Variants in CLSTN2 observed in about 807,000 individuals in gnomAD.
CLSTN2 encodes calsyntenin 2.
A neutral mutation model predicts 101.2 loss-of-function variants in CLSTN2; 48 were observed. The observed-to-expected ratio is 0.47, with a 90% CI of 0.38 to 0.60. CLSTN2 has a LOEUF of 0.60. Ranked by LOEUF, CLSTN2 falls within the 20% of genes least tolerant of loss-of-function variation. CLSTN2 has a pLI of 0.00. For missense variants in CLSTN2, 1,160 were observed against 1,238.2 expected (o/e 0.94, Z 0.95); for synonymous variants, 481 against 463.6 (o/e 1.04, Z -0.48).
At chr3:140,394,242 A>G (rs77055672) in intron 2 of CLSTN2, among the ~76,000 whole-genome samples, 20,474 of 152,236 alleles carry the variant, frequency 0.13, 1,484 homozygotes, top group East Asian at 0.21. Context: ...TTTTATTCCC[A>G]TTTTACAGAT....
chr3:140,545,475 C>T (rs4683507), intron 9 of CLSTN2, among the ~76,000 whole-genome samples: 21 of 152,262 alleles, frequency 1.4e-4, no homozygotes, highest in Admixed American at 5.9e-4. Flanking sequence ...CTTATGAAAC[C>T]TTCCCAGGAA....
chr3:140,394,324 G>T (rs1374914978), intron 2 of CLSTN2, among the ~76,000 whole-genome samples: 1 of 152,128 alleles, frequency 6.6e-6, no homozygotes, highest in African/African-American at 2.4e-5. Context: ...TTGAATCCAG[G>T]TTTACCCTTC....
chr3:140,426,997 A>C (rs1576561096), intron 5 of CLSTN2, among the ~76,000 whole-genome samples: 1 of 151,700 alleles, frequency 6.6e-6, no homozygotes, highest in African/African-American at 2.4e-5. Context: ...CAACATGGCG[A>C]ATCCCTGTCT....
rs142479529 is a variant in CLSTN2 at position 140,159,675 on chromosome 3, A to G, written c.110-16276A>G. Among the ~76,000 whole-genome samples, 103 of 152,250 alleles carry G rather than the reference A, an allele frequency of 6.8e-4. No individual in the cohort carries two copies. In the East Asian group the frequency reaches 0.017, roughly 25 times the overall value. ...AATCACACTCCTGGGTATATATCCA[A>G]ATGAAAACAAGTCATTCTACCAAAA... is the stretch of plus-strand genomic sequence containing the variant. On this transcript the variant is annotated intron_variant, in intron 1 of 16. Coordinates refer to ENST00000458420, the MANE Select transcript of CLSTN2 (RefSeq NM_022131.3).
chr3:140,332,014 A>G (rs2087387927), intron 2 of CLSTN2, among the ~76,000 whole-genome samples: 1 of 152,178 alleles, frequency 6.6e-6, no homozygotes, highest in African/African-American at 2.4e-5. Context: ...ACATGAATCA[A>G]TTCAATCCCT....
chr3:140,284,400 A>G (rs576037316), intron 2 of CLSTN2, among the ~76,000 whole-genome samples: 13 of 152,318 alleles, frequency 8.5e-5, no homozygotes, highest in Non-Finnish European at 1.6e-4. Context: ...TACAACAGCC[A>G]ATTGTAGAGG....
chr3:140,024,434 T>C (rs2107757053), intron 1 of CLSTN2, among the ~76,000 whole-genome samples: 1 of 152,274 alleles, frequency 6.6e-6, no homozygotes, highest in Non-Finnish European at 1.5e-5. Flanking sequence ...TGGCTGTTTT[T>C]TTGTTTTTGT....
intron 1 of CLSTN2, among the ~76,000 whole-genome samples, chr3:140,119,026 A>G (rs2009294469): frequency 6.6e-6 from 1 of 152,188 alleles, no homozygotes. Flanking sequence ...TCCAAGGAGG[A>G]CACAGGGAAA....
chr3:139,963,105 G>T (rs1356768699), intron 1 of CLSTN2, among the ~76,000 whole-genome samples: 1 of 151,800 alleles, frequency 6.6e-6, no homozygotes, highest in Non-Finnish European at 1.5e-5. Context: ...AGGAGGAGGA[G>T]GGGGGCAGAG....
chr3:140,460,021 G>C (rs1933521620), intron 7 of CLSTN2, among the ~76,000 whole-genome samples: 1 of 152,200 alleles, frequency 6.6e-6, no homozygotes, highest in Non-Finnish European at 1.5e-5. Flanking sequence ...GCTGGAATCA[G>C]TGCTTTTCAA....
chr3:140,062,721 A>G (rs1371903874), intron 1 of CLSTN2, among the ~76,000 whole-genome samples: 1 of 152,116 alleles, frequency 6.6e-6, no homozygotes, highest in Non-Finnish European at 1.5e-5. Flanking sequence ...AGCTCATGGT[A>G]TGCTAGTAGG....
At chr3:140,102,399 T>C (rs549535552) in intron 1 of CLSTN2, among the ~76,000 whole-genome samples, 83 of 152,338 alleles carry the variant, frequency 5.4e-4, no homozygotes, top group South Asian at 2.3e-3. Flanking sequence ...AGCCAAAAGC[T>C]TGTGGTCATT....
rs151107006 is a variant in CLSTN2 at position 140,036,621 on chromosome 3, A to G, written c.109+101138A>G. ...CTTTAAGATTCTGCTTTCCTTCACA[A>G]TTGTGTATGAAGTGAACATATTGTT... On this transcript the variant is annotated intron_variant, in intron 1 of 16. Coordinates refer to ENST00000458420, the MANE Select transcript of CLSTN2 (RefSeq NM_022131.3). Among the ~76,000 whole-genome samples the G allele has an allele frequency of 8.6e-4, 131 of 152,202 alleles. 1 individual carries two copies. The East Asian group carries it at 0.022, about 26-fold the overall frequency.
chr3:140,146,701 C>T (rs2009785630), intron 1 of CLSTN2, among the ~76,000 whole-genome samples: 1 of 152,186 alleles, frequency 6.6e-6, no homozygotes, highest in African/African-American at 2.4e-5. Flanking sequence ...TAAAAGTTTT[C>T]ATGTGCCTAG....
chr3:140,091,272 G>T (rs2008775811), intron 1 of CLSTN2, among the ~76,000 whole-genome samples: 1 of 152,162 alleles, frequency 6.6e-6, no homozygotes, highest in Non-Finnish European at 1.5e-5. Context: ...AGATGACTCA[G>T]CTGGAAGAGC....
chr3:140,131,387 A>G (rs1051322169), intron 1 of CLSTN2, among the ~76,000 whole-genome samples: 1 of 152,064 alleles, frequency 6.6e-6, no homozygotes, highest in Non-Finnish European at 1.5e-5. Flanking sequence ...TCTACAGAAC[A>G]TGCTCTGTAT....
At chr3:140,432,299 A>T (rs902281224) in intron 5 of CLSTN2, among the ~76,000 whole-genome samples, 8 of 152,218 alleles carry the variant, frequency 5.3e-5, no homozygotes, top group African/African-American at 1.4e-4. Flanking sequence ...CAAGGCTGCC[A>T]GTGGAGAGCC....
chr3:140,078,183 C>T (rs745479325), intron 1 of CLSTN2, among the ~76,000 whole-genome samples: 3 of 152,156 alleles, frequency 2.0e-5, no homozygotes, highest in Non-Finnish European at 4.4e-5. Context: ...TCAGGAGATG[C>T]TTGCAGTAGT....
intron 2 of CLSTN2, among the ~76,000 whole-genome samples, chr3:140,350,064 GA>G (rs2087589002): frequency 6.6e-6 from 1 of 152,222 alleles, no homozygotes; most frequent in South Asian, 2.1e-4. Context: ...GAGGGTTAAT[GA>G]ACCTCTTTTT....
Sources: allele counts gnomAD v4.1 joint callset (sites outside exome capture counted in the v4.1 genomes callset), GRCh38; gene constraint gnomAD v4.1.1; transcripts MANE v1.5; gene names NCBI Gene and HGNC (gene_info 2026-07-23, HGNC 2026-07-21).